Variants in CIMIP3 observed in about 807,000 individuals in gnomAD.
CIMIP3 encodes the protein ciliary microtubule inner protein 3.
At chr6:42,162,634 G>C in the CIMIP3 span, among the ~76,000 whole-genome samples, 1 of 151,402 alleles carries the variant, frequency 6.6e-6, no homozygotes, top group African/African-American at 2.4e-5. Flanking sequence ...AGGGAAGGGG[G>C]GTGGGGAGGG....
At chr6:42,162,977 G>T in the CIMIP3 span, 4 of 710,936 alleles carry the variant, frequency 5.6e-6, no homozygotes, top group Non-Finnish European at 1.0e-5. Flanking sequence ...ATGCAAGGGG[G>T]TGAAGGCTCC....
the CIMIP3 span, among the ~76,000 whole-genome samples, chr6:42,162,184 C>T: frequency 3.0e-4 from 41 of 135,380 alleles, 3 homozygotes; most frequent in South Asian, 9.6e-4. Context: ...GAGGCCGAGG[C>T]GGGTGAATCA....
the CIMIP3 span, among the ~76,000 whole-genome samples, chr6:42,156,118 C>T: frequency 6.6e-6 from 1 of 151,892 alleles, no homozygotes; most frequent in African/African-American, 2.4e-5. Flanking sequence ...CTCAGCCTCC[C>T]AAGTGGCTGG....
At chr6:42,162,787 A>T in the CIMIP3 span, 1 of 451,996 alleles carries the variant, frequency 2.2e-6, no homozygotes, top group African/African-American at 2.0e-5. Flanking sequence ...CTCCATGGTC[A>T]GCACAGCAGT....
At chr6:42,161,175 C>T in the CIMIP3 span, among the ~76,000 whole-genome samples, 6 of 151,980 alleles carry the variant, frequency 3.9e-5, no homozygotes, top group Admixed American at 1.3e-4. Context: ...GTAACAAGAG[C>T]GAAACTCCAT....
chr6:42,162,825 A>T, the CIMIP3 span: 1 of 567,548 alleles, frequency 1.8e-6, no homozygotes, highest in Middle Eastern at 2.7e-4. Flanking sequence ...GGGGCTTCTG[A>T]GCAGTGGCTC....
the CIMIP3 span, among the ~76,000 whole-genome samples, chr6:42,157,219 A>T: frequency 6.6e-6 from 1 of 151,952 alleles, no homozygotes; most frequent in Non-Finnish European, 1.5e-5. Flanking sequence ...GCCTGTGGGG[A>T]TGGGGGTTAT....
the CIMIP3 span, among the ~76,000 whole-genome samples, chr6:42,161,276 C>G: frequency 6.6e-6 from 1 of 152,196 alleles, no homozygotes; most frequent in Non-Finnish European, 1.5e-5. Flanking sequence ...AGGAGCTCAA[C>G]TTCCACTAAC....
At chr6:42,162,383 C>T in the CIMIP3 span, among the ~76,000 whole-genome samples, 1 of 150,020 alleles carries the variant, frequency 6.7e-6, no homozygotes, top group African/African-American at 2.5e-5. Context: ...CCATTGTACT[C>T]CAGCCTGGGC....
the CIMIP3 span, among the ~76,000 whole-genome samples, chr6:42,157,176 G>A: frequency 2.0e-5 from 3 of 152,210 alleles, no homozygotes; most frequent in African/African-American, 7.2e-5. Flanking sequence ...TAATACATGT[G>A]TACTGTGCAT....
chr6:42,158,380 ACTGT>A, the CIMIP3 span, among the ~76,000 whole-genome samples: 1 of 152,138 alleles, frequency 6.6e-6, no homozygotes, highest in African/African-American at 2.4e-5. Flanking sequence ...CTTCCCCTAG[ACTGT>A]CTGTGTCCCA....
At chr6:42,159,148 C>T in the CIMIP3 span, among the ~76,000 whole-genome samples, 6 of 152,236 alleles carry the variant, frequency 3.9e-5, no homozygotes, top group Non-Finnish European at 8.8e-5. Context: ...CACTGATTGT[C>T]ACTGCCCTCA....
chr6:42,158,406 G>A, the CIMIP3 span, among the ~76,000 whole-genome samples: 1 of 152,124 alleles, frequency 6.6e-6, no homozygotes, highest in Non-Finnish European at 1.5e-5. Flanking sequence ...TTTTTGTGAG[G>A]GCTTCATCCC....
At chr6:42,157,317 C>T in the CIMIP3 span, among the ~76,000 whole-genome samples, 2 of 152,114 alleles carry the variant, frequency 1.3e-5, no homozygotes, top group Non-Finnish European at 2.9e-5. Context: ...CCGTAACCTC[C>T]TCCTCCCTGT....
chr6:42,162,985 T>C, the CIMIP3 span: 2 of 713,658 alleles, frequency 2.8e-6, no homozygotes, highest in South Asian at 1.5e-5. Context: ...GGGTGAAGGC[T>C]CCACACTCGT....
chr6:42,156,842 C>T, the CIMIP3 span, among the ~76,000 whole-genome samples: 9 of 152,238 alleles, frequency 5.9e-5, no homozygotes, highest in African/African-American at 2.2e-4. Flanking sequence ...CTTCAAACAC[C>T]AAAGCCAAGG....
At chr6:42,158,124 G>T in the CIMIP3 span, among the ~76,000 whole-genome samples, 1 of 152,168 alleles carries the variant, frequency 6.6e-6, no homozygotes, top group Non-Finnish European at 1.5e-5. Context: ...CACAGTGTGC[G>T]CACACCCAGC....
chr6:42,160,024 C>T, the CIMIP3 span, among the ~76,000 whole-genome samples: 5 of 152,304 alleles, frequency 3.3e-5, no homozygotes, highest in South Asian at 1.0e-3. Flanking sequence ...CATGCTCTGT[C>T]ACCCAGGCTG....
chr6:42,159,977 A>G, the CIMIP3 span, among the ~76,000 whole-genome samples: 2 of 152,056 alleles, frequency 1.3e-5, no homozygotes, highest in African/African-American at 4.8e-5. Context: ...TACAGACTGA[A>G]GTGGAAAAGA....
Sources: gnomAD v4.1 joint callset for allele counts (sites outside exome capture counted in the v4.1 genomes callset) on GRCh38, gnomAD v4.1.1 for gene constraint, MANE v1.5 for transcripts, NCBI Gene and HGNC (gene_info 2026-07-23, HGNC 2026-07-21) for gene names.